PEX5L: variants seen among roughly 807,000 people sequenced by gnomAD.
PEX5L encodes the protein peroxisomal biogenesis factor 5 like.
Under a neutral mutation model 84.0 loss-of-function variants are expected in PEX5L, and 30 were observed. The ratio of observed to expected loss-of-function variants is 0.36; its 90% CI spans 0.27 to 0.48. PEX5L has a LOEUF of 0.48. Ranked by LOEUF, PEX5L falls within the 20% of genes least tolerant of loss-of-function variation. The pLI is 0.99. For synonymous variants in PEX5L, 270 were observed against 283.1 expected, an observed-to-expected ratio of 0.95 and a Z score of 0.46; for missense variants, 533 against 754.6, an observed-to-expected ratio of 0.71 and a Z score of 3.44.
chr3:179,916,588 T>C (rs915625855), intron 2 of PEX5L, among the ~76,000 whole-genome samples: 2 of 152,152 alleles, frequency 1.3e-5, no homozygotes, highest in Non-Finnish European at 2.9e-5. Context: ...ACTAAATTTA[T>C]ACAAAAAATT....
At chr3:179,913,957 A>C (rs1766088511) in intron 2 of PEX5L, among the ~76,000 whole-genome samples, 1 of 152,238 alleles carries the variant, frequency 6.6e-6, no homozygotes, top group Admixed American at 6.5e-5. Context: ...GAGCCATGAA[A>C]TTATATACTT....
intron 1 of PEX5L, among the ~76,000 whole-genome samples, chr3:180,017,645 T>C (rs968193488): frequency 6.6e-6 from 1 of 152,018 alleles, no homozygotes; most frequent in Middle Eastern, 3.4e-3. Context: ...TATTTCCTTA[T>C]AAAAATTATT....
intron 1 of PEX5L, among the ~76,000 whole-genome samples, chr3:180,031,739 T>G (rs1216501021): frequency 6.6e-6 from 1 of 152,192 alleles, no homozygotes; most frequent in Admixed American, 6.5e-5. Flanking sequence ...CAATGAAAAG[T>G]GTAAAAAAGC....
intron 8 of PEX5L, among the ~76,000 whole-genome samples, chr3:179,839,215 T>C (rs1270005632): frequency 1.3e-5 from 2 of 152,148 alleles, no homozygotes. Flanking sequence ...CAAAATTAGG[T>C]GTGGATTAAA....
chr3:179,811,975 GTC>G (rs1724066024), intron 10 of PEX5L, 104 bp from the exon 11 acceptor site: 1 of 855,512 alleles, frequency 1.2e-6, no homozygotes, highest in African/African-American at 1.7e-5. Context: ...AGAGCAAGCT[GTC>G]TCATATGTGA....
chr3:180,013,641 G>A (rs1398704943), intron 1 of PEX5L, among the ~76,000 whole-genome samples: 1 of 152,110 alleles, frequency 6.6e-6, no homozygotes, highest in Admixed American at 6.5e-5. Flanking sequence ...AAGTTTGTAT[G>A]TGATATGCTT....
chr3:179,855,936 C>G (rs1743770612), intron 8 of PEX5L, among the ~76,000 whole-genome samples: 1 of 152,200 alleles, frequency 6.6e-6, no homozygotes, highest in Admixed American at 6.5e-5. Context: ...TTTGTTATAG[C>G]AGCTCAAATG....
intron 2 of PEX5L, among the ~76,000 whole-genome samples, chr3:179,967,653 G>A (rs907411537): frequency 6.7e-6 from 1 of 149,046 alleles, no homozygotes; most frequent in African/African-American, 2.5e-5. Context: ...TTGTTATTAC[G>A]TTAAATGCTG....
chr3:179,864,013 GCT>G (rs1042675059), intron 7 of PEX5L, among the ~76,000 whole-genome samples: 5 of 152,046 alleles, frequency 3.3e-5, no homozygotes, highest in African/African-American at 1.2e-4. Flanking sequence ...CCCTGCACAA[GCT>G]CTTTCTTTGC....
At chr3:179,964,854 C>G (rs957626522) in intron 2 of PEX5L, among the ~76,000 whole-genome samples, 1 of 152,238 alleles carries the variant, frequency 6.6e-6, no homozygotes, top group Non-Finnish European at 1.5e-5. Context: ...ACGCTACGTA[C>G]TTTGCTAGGC....
At chr3:179,817,187 C>G (rs1185544333) in intron 9 of PEX5L, among the ~76,000 whole-genome samples, 1 of 152,038 alleles carries the variant, frequency 6.6e-6, no homozygotes, top group East Asian at 1.9e-4. Flanking sequence ...GTTGAGCATG[C>G]ATGTTTTAAA....
intron 7 of PEX5L, among the ~76,000 whole-genome samples, chr3:179,872,579 C>G (rs1389094610): frequency 1.3e-5 from 2 of 152,048 alleles, no homozygotes; most frequent in Non-Finnish European, 2.9e-5. Flanking sequence ...AGAGGAAGGA[C>G]AGTTTGGTGG....
chr3:179,819,786 T>C, intron 9 of PEX5L, 74 bp downstream of exon 9: 1 of 1,249,670 alleles, frequency 8.0e-7, no homozygotes, highest in East Asian at 2.3e-5. Context: ...AGAATAGCTA[T>C]TGACTAATCT....
At chr3:179,964,701 C>T (rs1045815358) in intron 2 of PEX5L, among the ~76,000 whole-genome samples, 2 of 152,092 alleles carry the variant, frequency 1.3e-5, no homozygotes, top group African/African-American at 4.8e-5. Context: ...TGAAAAAATG[C>T]TCAACATCAC....
intron 2 of PEX5L, among the ~76,000 whole-genome samples, chr3:179,920,143 G>C (rs2109378933): frequency 6.6e-6 from 1 of 152,292 alleles, no homozygotes; most frequent in Non-Finnish European, 1.5e-5. Flanking sequence ...TTATTCTCTG[G>C]AGGCAAAACC....
intron 10 of PEX5L, among the ~76,000 whole-genome samples, chr3:179,815,336 G>C (rs1457977128): frequency 3.3e-5 from 5 of 152,214 alleles, no homozygotes; most frequent in Admixed American, 2.0e-4. Context: ...TGTAATCCCA[G>C]CACTTTGGGA....
At chr3:179,996,655 T>C (rs753003832) in intron 1 of PEX5L, among the ~76,000 whole-genome samples, 6 of 152,316 alleles carry the variant, frequency 3.9e-5, no homozygotes, top group Non-Finnish European at 8.8e-5. Flanking sequence ...ACCTGCATCT[T>C]TGAAGAGCCC....
Position 179,821,380 on chromosome 3 carries a change from G to T in PEX5L, c.823-1404C>A, listed in dbSNP as rs563920597. Among the ~76,000 whole-genome samples, 4 of 152,290 alleles carry T rather than the reference G, an allele frequency of 2.6e-5. No homozygotes were observed. The East Asian group carries it at 7.7e-4, about 29-fold the overall frequency. ...TTGATATACCATCACACTGACTTGA[G>T]GTTAACCTTCACCTTTTAATCTTCT... On this transcript the variant is annotated intron_variant, in intron 8 of 14. Coordinates refer to ENST00000467460, the MANE Select transcript of PEX5L (RefSeq NM_016559.3).
intron 2 of PEX5L, among the ~76,000 whole-genome samples, chr3:179,914,784 T>C (rs1766434514): frequency 6.6e-6 from 1 of 152,232 alleles, no homozygotes; most frequent in Non-Finnish European, 1.5e-5. Flanking sequence ...TTCAAAACTT[T>C]TGATCTCTGT....
Sources: allele counts gnomAD v4.1 joint callset (sites outside exome capture counted in the v4.1 genomes callset), GRCh38; gene constraint gnomAD v4.1.1; transcripts MANE v1.5; gene names NCBI Gene and HGNC (gene_info 2026-07-23, HGNC 2026-07-21).